The following ABR variants were observed in gnomAD, a reference collection of about 807,000 sequenced individuals.
ABR encodes the protein ABR activator of RhoGEF and GTPase, also known as active breakpoint cluster region-related protein.
ABR carries 35 observed loss-of-function variants against 107.2 expected under a neutral mutation model. That is an observed-to-expected ratio of 0.33 (90% CI 0.25 to 0.43). The LOEUF is 0.43. ABR is among the 20% of genes least tolerant of loss of function. The pLI, the probability that ABR is intolerant of heterozygous loss-of-function variation, is 1.00. For synonymous variants in ABR, 498 were observed against 462.0 expected (o/e 1.08, Z -1.00); for missense variants, 815 against 1,115.2 (o/e 0.73, Z 3.83).
chr17:1,095,935 G>A (rs1328480275), intron 3 of ABR, among the ~76,000 whole-genome samples: 1 of 152,240 alleles, frequency 6.6e-6, no homozygotes, highest in Non-Finnish European at 1.5e-5. Flanking sequence ...AGCCTGCGAT[G>A]CAGCGTGGCC....
At chr17:1,016,317 C>CTT (rs151002591) in intron 16 of ABR, among the ~76,000 whole-genome samples, 107 of 134,906 alleles carry the variant, frequency 7.9e-4, no homozygotes, top group East Asian at 2.0e-3. Flanking sequence ...CCCAACGTTT[C>CTT]TTTTTTTTTT....
chr17:1,039,866 C>A (rs1229236444), intron 16 of ABR, among the ~76,000 whole-genome samples: 2 of 152,144 alleles, frequency 1.3e-5, no homozygotes, highest in African/African-American at 4.8e-5. Context: ...CGGGCGCCGA[C>A]GCGGGCTGAT....
At chr17:1,081,491 C>T (rs2036234912) in intron 5 of ABR, among the ~76,000 whole-genome samples, 1 of 152,212 alleles carries the variant, frequency 6.6e-6, no homozygotes, top group Admixed American at 6.5e-5. Context: ...GTCAGCCATC[C>T]TCTCTCTGCA....
chr17:1,108,187 G>C (rs560524014), intron 2 of ABR, among the ~76,000 whole-genome samples: 2 of 152,282 alleles, frequency 1.3e-5, no homozygotes, highest in African/African-American at 4.8e-5. Context: ...TGAGAGGTGT[G>C]TCCAGGAGAG....
At chr17:1,113,566 T>C (rs1020006504) in intron 2 of ABR, among the ~76,000 whole-genome samples, 1 of 151,946 alleles carries the variant, frequency 6.6e-6, no homozygotes, top group Non-Finnish European at 1.5e-5. Flanking sequence ...GGATTACAGG[T>C]GTGAGACACG....
In ABR at chr17:1,200,526, T is replaced by G. The variant is rs2042651474; in HGVS notation, c.838+28267A>C. On this transcript the variant is annotated intron_variant, in intron 1 of 22. Transcript: ENST00000574139. This position sits in a 1 kb window ranked among gnomAD's most constrained non-coding sequence, Gnocchi z 4.1. ...TCCCCCATGAAAATGGAGGGACAGG[T>G]GTAATTGGAGTGGCTCTCCAGACTG... is the stretch of plus-strand genomic sequence containing the variant. Among the ~76,000 whole-genome samples, 1 of 151,884 alleles carries G rather than the reference T, an allele frequency of 6.6e-6. No individual in the cohort carries two copies.
intron 4 of ABR, among the ~76,000 whole-genome samples, chr17:1,089,578 C>T (rs1273845573): frequency 6.6e-6 from 1 of 152,170 alleles, no homozygotes; most frequent in Non-Finnish European, 1.5e-5. Context: ...CATGCCCTTC[C>T]GAGTTCTCCC....
intron 10 of ABR, among the ~76,000 whole-genome samples, chr17:1,065,853 C>T (rs545405006): frequency 6.7e-6 from 1 of 149,134 alleles, no homozygotes; most frequent in East Asian, 2.0e-4. Context: ...TCAAGCAATT[C>T]TCCTGTCTCA....
In ABR at chr17:1,083,890, T is replaced by C. The variant is rs77955456; in HGVS notation, c.532-263A>G. On this transcript the variant is annotated intron_variant, in intron 4 of 22. Coordinates refer to ENST00000302538, the MANE Select transcript of ABR (RefSeq NM_021962.5). ...GACCAGGCTAGGGCCTTTGTTGGCC[T>C]GCTAGAAATTCAACTCTTCACAGCA... 57 of 419,534 alleles carry C rather than the reference T, an allele frequency of 1.4e-4. No homozygotes were observed. In the East Asian group the frequency reaches 2.4e-3, roughly 17 times the overall value. 26.0% of individuals were successfully genotyped at this position (419,534 alleles called of 1,614,324 possible).
Position 1,059,944 on chromosome 17 carries a change from C to T in ABR, c.1183-1077G>A, listed in dbSNP as rs191202618. Among the ~76,000 whole-genome samples the T allele has an allele frequency of 2.5e-3, 387 of 152,292 alleles. 1 individual carries two copies. Among genetic ancestry groups the T allele is most frequent in the Non-Finnish European group, 4.7e-3 (319 of 68,024 alleles). On this transcript the variant is annotated intron_variant, in intron 10 of 22. Transcript: ENST00000302538. ...CAGAGGTAAAAGCCTGTCAATTAAG[C>T]GCACACTCACCCTGCCCTGCCCATC...
At chr17:1,155,524 C>T (rs1387415944) in intron 1 of ABR, among the ~76,000 whole-genome samples, 1 of 152,130 alleles carries the variant, frequency 6.6e-6, no homozygotes, top group African/African-American at 2.4e-5. Flanking sequence ...ACCAGAAGCA[C>T]AAGCAACAGA....
At chr17:1,180,049 C>CG (rs542182967), upstream of ABR, among the ~76,000 whole-genome samples, 1 of 113,546 alleles carries the variant, frequency 8.8e-6, no homozygotes, top group African/African-American at 3.2e-5. Flanking sequence ...GGGGGCGGGG[C>CG]TTTGGTGCGG....
Position 1,073,610 on chromosome 17 carries a change from A to T in ABR, c.753+15T>A, listed in dbSNP as rs1175205197. On this transcript the variant is annotated intron_variant, in intron 7 of 22. Transcript: ENST00000302538. ...TCCTAAGCCCTCTCTGGCCATTCGG[A>T]GGCTTGACACTCACGTGTAGGACTA... 6.4e-7 allele frequency: 1 copy of T among 1,562,710 alleles called. No individual in the cohort carries two copies. The highest frequency in any genetic ancestry group is 1.8e-5 in the Admixed American group (1 of 56,122).
intron 16 of ABR, among the ~76,000 whole-genome samples, chr17:1,036,874 C>T (rs772675021): frequency 4.6e-5 from 7 of 152,150 alleles, no homozygotes; most frequent in African/African-American, 7.2e-5. Flanking sequence ...CCCCACCCAT[C>T]GGATACCTCT....
rs998964686 is a variant in ABR at position 1,150,792 on chromosome 17, G to A, written c.62-25425C>T. ...AGGGAGGAGCATCACGCACACAGACGCCGGACTCCCTAGGTTCTGCAAACC... is the reference window on the plus strand; with the variant it reads ...AGGGAGGAGCATCACGCACACAGACACCGGACTCCCTAGGTTCTGCAAACC... On this transcript the variant is annotated intron_variant, in intron 1 of 22. Transcript: ENST00000302538. The surrounding 1 kb of genome is among the most constrained non-coding windows in gnomAD (Gnocchi z 4.8). Among the ~76,000 whole-genome samples, 6 of 152,152 alleles carry A rather than the reference G, an allele frequency of 3.9e-5. No individual in the cohort carries two copies. Among genetic ancestry groups the A allele is most frequent in the South Asian group, 2.1e-4 (1 of 4,832 alleles).
intron 12 of ABR, among the ~76,000 whole-genome samples, chr17:1,057,310 GTGTGTGTGT>G (rs2033411946): frequency 1.1e-3 from 2 of 1,796 alleles, no homozygotes; most frequent in Non-Finnish European, 1.4e-3. Context: ...GAAGAGGTTT[GTGTGTGTGT>G]GTGTGTGTGT....
upstream of ABR, among the ~76,000 whole-genome samples, chr17:1,191,755 G>A (rs998701742): frequency 1.3e-5 from 2 of 152,264 alleles, no homozygotes; most frequent in East Asian, 1.9e-4. Context: ...ACATAGAAAC[G>A]AGGCAGCAAA....
chr17:1,026,358 G>C (rs151019609), intron 16 of ABR, among the ~76,000 whole-genome samples: 2 of 152,262 alleles, frequency 1.3e-5, no homozygotes, highest in Admixed American at 1.3e-4. Flanking sequence ...GCACAGCCAC[G>C]GCATCCAGGC....
At chr17:1,155,359 TA>T (rs1318264333) in intron 1 of ABR, among the ~76,000 whole-genome samples, 1 of 152,200 alleles carries the variant, frequency 6.6e-6, no homozygotes, top group African/African-American at 2.4e-5. Flanking sequence ...TTGCCACATG[TA>T]AAAGTTGAAC....
Sources: allele counts gnomAD v4.1 joint callset (sites outside exome capture counted in the v4.1 genomes callset), GRCh38; gene constraint gnomAD v4.1.1; non-coding constraint Gnocchi (gnomAD v3.1); transcripts MANE v1.5; gene names NCBI Gene and HGNC (gene_info 2026-07-23, HGNC 2026-07-21).